Variants in CADPS2 observed in about 807,000 individuals in gnomAD.
CADPS2 encodes calcium-dependent secretion activator 2.
Under a neutral mutation model 172.5 loss-of-function variants are expected in CADPS2, and 93 were observed. The ratio of observed to expected loss-of-function variants is 0.54; its 90% CI spans 0.46 to 0.64. CADPS2 has a LOEUF of 0.64. Among genes scored for constraint, CADPS2 ranks in the 30% least tolerant of loss-of-function variants. The probability of loss-of-function intolerance (pLI) is 0.00; values close to 1 mark genes in which losing one functional copy is unlikely to be tolerated. For synonymous variants in CADPS2, 546 were observed against 555.2 expected, an observed-to-expected ratio of 0.98 and a Z score of 0.23; for missense variants, 1,420 against 1,565.9, an observed-to-expected ratio of 0.91 and a Z score of 1.57.
chr7:122,350,630 G>A (rs2038404517), intron 27 of CADPS2, among the ~76,000 whole-genome samples: 1 of 152,116 alleles, frequency 6.6e-6, no homozygotes, highest in African/African-American at 2.4e-5. Context: ...AGATTACAGA[G>A]CCTTCTAATT....
At chr7:122,704,982 C>G (rs2086754371) in intron 2 of CADPS2, among the ~76,000 whole-genome samples, 1 of 151,968 alleles carries the variant, frequency 6.6e-6, no homozygotes, top group South Asian at 2.1e-4. Flanking sequence ...AAACCCTAAT[C>G]TAATGAAACA....
chr7:122,691,190 G>A (rs2136043923), intron 2 of CADPS2, among the ~76,000 whole-genome samples: 1 of 152,234 alleles, frequency 6.6e-6, no homozygotes, highest in Non-Finnish European at 1.5e-5. Context: ...TCGTCCATAT[G>A]ACGACTGTAA....
chr7:122,655,975 T>C (rs1215372289), intron 3 of CADPS2, among the ~76,000 whole-genome samples: 1 of 152,190 alleles, frequency 6.6e-6, no homozygotes, highest in Non-Finnish European at 1.5e-5. Flanking sequence ...TTGACTTTTC[T>C]TGGACTTCTC....
In CADPS2 at chr7:122,379,402, CTG is replaced by C; in HGVS notation, c.3351_3352del (p.Asn1117LysfsTer23). 2.5e-6 allele frequency: 4 copies of C among 1,602,876 alleles called. No individual in the cohort carries two copies. Among genetic ancestry groups the C allele is most frequent in the Non-Finnish European group, 3.4e-6 (4 of 1,171,826 alleles). Reference sequence around the variant, plus strand: ...TAACAGTGAAATGATTTCTTTTACACTGTTGTCGATCAGATCATCTATTTTTG... The same window carrying C: ...TAACAGTGAAATGATTTCTTTTACACTTGTCGATCAGATCATCTATTTTTG... On this transcript the variant is annotated frameshift_variant, in exon 25 of 30. Coordinates refer to ENST00000449022, the MANE Select transcript of CADPS2 (RefSeq NM_017954.11). LOFTEE classifies it high-confidence loss of function.
At chr7:122,802,700 T>C (rs1310693112) in intron 1 of CADPS2, among the ~76,000 whole-genome samples, 4 of 152,216 alleles carry the variant, frequency 2.6e-5, no homozygotes, top group African/African-American at 9.6e-5. Context: ...GACTGACACA[T>C]GAGCTTATTG....
In CADPS2 at chr7:122,663,185, T is replaced by C. The variant is rs999011769; in HGVS notation, c.786+52A>G. 20 of 1,291,416 alleles carry C rather than the reference T, an allele frequency of 1.5e-5. No homozygotes were observed. In the African/African-American group the frequency reaches 2.8e-4, roughly 18 times the overall value. The allele number at this position is 1,291,416 out of a possible 1,614,324, so 80.0% of individuals were successfully genotyped here. On this transcript the variant is annotated intron_variant, in intron 3 of 29. Transcript: ENST00000449022. ...TCTTCATAGGCTTGTAAATACTTCA[T>C]GTTCATTCCACGAGTCAGACAGGGG...
chr7:122,422,150 A>G (rs1031561362), intron 17 of CADPS2: 4 of 152,290 alleles, frequency 2.6e-5, no homozygotes, highest in Admixed American at 6.5e-5. Context: ...AAATGGGAAA[A>G]TATCTACTAT....
intron 2 of CADPS2, among the ~76,000 whole-genome samples, chr7:122,717,821 CTGTT>C (rs1329851546): frequency 1.3e-5 from 2 of 151,848 alleles, no homozygotes; most frequent in African/African-American, 4.8e-5. Flanking sequence ...TCTTTTTTGT[CTGTT>C]TGAAGACAAG....
chr7:122,610,167 C>T (rs930752247), intron 6 of CADPS2, among the ~76,000 whole-genome samples: 5 of 150,360 alleles, frequency 3.3e-5, no homozygotes, highest in African/African-American at 1.2e-4. Flanking sequence ...AAAAAAAGAG[C>T]ACTGGGGGCT....
At chr7:122,687,050 A>AT (rs918284858) in intron 2 of CADPS2, among the ~76,000 whole-genome samples, 2 of 152,056 alleles carry the variant, frequency 1.3e-5, no homozygotes, top group African/African-American at 4.8e-5. Context: ...TAATTACACA[A>AT]TTTTTTACCC....
intron 8 of CADPS2, 54 bp from the exon 9 acceptor site, chr7:122,513,369 C>T (rs527556679): frequency 7.6e-7 from 1 of 1,320,166 alleles, no homozygotes; most frequent in Admixed American, 2.1e-5. Flanking sequence ...TGTTGTGCTT[C>T]CATGTAATCA....
At chr7:122,471,283 T>C in intron 14 of CADPS2, 92 bp downstream of exon 14, 6 of 442,136 alleles carry the variant, frequency 1.4e-5, no homozygotes. Flanking sequence ...CTATTTACAA[T>C]CTGTTACTGG....
At chr7:122,768,621 ATATTG>A (rs967189044) in intron 1 of CADPS2, among the ~76,000 whole-genome samples, 3 of 152,224 alleles carry the variant, frequency 2.0e-5, no homozygotes, top group Non-Finnish European at 2.9e-5. Context: ...AATGTTTTCA[ATATTG>A]TAGAGATATA....
chr7:122,361,009 A>G lies in CADPS2; in HGVS notation c.3392T>C (p.Val1131Ala). 6.2e-7 allele frequency: 1 copy of G among 1,612,974 alleles called. No homozygotes were observed. The highest frequency in any genetic ancestry group is 1.1e-5 in the South Asian group (1 of 90,990). The change falls in exon 26 of 30, where the codon GTT becomes GCT. Residue 1131 changes from valine to alanine, a missense_variant. Physicochemically the swap from Val to Ala is moderately conservative, Grantham distance 64. Transcript: ENST00000449022. ...AGACAACACGCCTTCCAACACTGAA[A>G]CAAACTATAATACAGTTATAGTGAG... is the stretch of plus-strand genomic sequence containing the variant. ...EIISLLVSKF[V>A]SVLEGVLSKL... is the part of the protein sequence containing the mutation.
At chr7:122,352,108 C>T (rs543791546) in intron 27 of CADPS2, among the ~76,000 whole-genome samples, 3 of 152,274 alleles carry the variant, frequency 2.0e-5, no homozygotes, top group South Asian at 2.1e-4. Flanking sequence ...TTCTGATCTA[C>T]GGTTAGATCA....
chr7:122,610,464 A>G (rs2074156461), intron 6 of CADPS2, among the ~76,000 whole-genome samples: 1 of 152,084 alleles, frequency 6.6e-6, no homozygotes. Context: ...AAGACTACAT[A>G]TTGCATGATT....
chr7:122,840,049 G>A (rs1809948280), intron 1 of CADPS2, among the ~76,000 whole-genome samples: 2 of 152,154 alleles, frequency 1.3e-5, no homozygotes, highest in African/African-American at 4.8e-5. Flanking sequence ...ATCAATGATA[G>A]ACTGGATTAA....
intron 9 of CADPS2, among the ~76,000 whole-genome samples, chr7:122,502,128 T>G (rs1204398387): frequency 6.6e-6 from 1 of 152,166 alleles, no homozygotes; most frequent in African/African-American, 2.4e-5. Context: ...AAAAGTGAAT[T>G]GAATAGCAAA....
intron 2 of CADPS2, among the ~76,000 whole-genome samples, chr7:122,721,206 C>T (rs2137088544): frequency 6.6e-6 from 1 of 151,572 alleles, no homozygotes. Flanking sequence ...ATCTGTCTCT[C>T]CTTAGAGACA....
Sources: allele counts gnomAD v4.1 joint callset (sites outside exome capture counted in the v4.1 genomes callset), GRCh38; gene constraint gnomAD v4.1.1; transcripts MANE v1.5; gene names NCBI Gene and HGNC (gene_info 2026-07-23, HGNC 2026-07-21).